The following TBC1D22A variants were observed in gnomAD, a reference collection of about 807,000 sequenced individuals.
TBC1D22A encodes putative GTPase activator.
A neutral mutation model predicts 60.2 loss-of-function variants in TBC1D22A; 38 were observed. The observed-to-expected ratio is 0.63, with a 90% CI of 0.49 to 0.83. TBC1D22A has a LOEUF of 0.83. Among genes scored for constraint, TBC1D22A ranks in the 40% least tolerant of loss-of-function variants. The probability of loss-of-function intolerance (pLI) is 0.00; values close to 1 mark genes in which losing one functional copy is unlikely to be tolerated. For missense variants in TBC1D22A, 628 were observed against 701.0 expected (o/e 0.90, Z 1.18); for synonymous variants, 302 against 281.7 (o/e 1.07, Z -0.72).
At chr22:46,881,101 C>G (rs1002822947) in intron 5 of TBC1D22A, among the ~76,000 whole-genome samples, 5 of 152,042 alleles carry the variant, frequency 3.3e-5, no homozygotes, top group African/African-American at 1.2e-4. Flanking sequence ...TAGAGGGGCC[C>G]AAGAGGAGAC....
intron 10 of TBC1D22A, among the ~76,000 whole-genome samples, chr22:47,005,864 C>T (rs879746356): frequency 6.7e-6 from 1 of 149,966 alleles, no homozygotes; most frequent in East Asian, 1.9e-4. Flanking sequence ...CCTATACAGA[C>T]ACCCCCATAT....
intron 12 of TBC1D22A, among the ~76,000 whole-genome samples, chr22:47,157,559 G>A (rs6007610): frequency 0.19 from 28,199 of 152,178 alleles, 3,196 homozygotes; most frequent in African/African-American, 0.32. Context: ...CTCGCAGGAC[G>A]GCGGGTGCGC....
At chr22:46,801,005 G>A (rs1474358081) in intron 4 of TBC1D22A, among the ~76,000 whole-genome samples, 2 of 152,194 alleles carry the variant, frequency 1.3e-5, no homozygotes, top group Non-Finnish European at 2.9e-5. Flanking sequence ...CCAACTTTTG[G>A]AAATTAAAAT....
At chr22:47,127,620 C>G (rs908154653) in intron 12 of TBC1D22A, among the ~76,000 whole-genome samples, 1 of 152,070 alleles carries the variant, frequency 6.6e-6, no homozygotes, top group Non-Finnish European at 1.5e-5. Flanking sequence ...GGCCAGCTTG[C>G]TCTTCCACTG....
chr22:47,050,194 G>A (rs1383699127), intron 11 of TBC1D22A, among the ~76,000 whole-genome samples: 16 of 152,212 alleles, frequency 1.1e-4, no homozygotes, highest in African/African-American at 3.1e-4. Context: ...TAGTAGAGAC[G>A]GGGTTTCACC....
chr22:46,975,863 G>A (rs1484962187), intron 9 of TBC1D22A, among the ~76,000 whole-genome samples: 1 of 152,236 alleles, frequency 6.6e-6, no homozygotes, highest in Non-Finnish European at 1.5e-5. Context: ...GTAGAAGCCT[G>A]TTGTGCGGTT....
intron 9 of TBC1D22A, among the ~76,000 whole-genome samples, chr22:46,989,698 C>T (rs1408459030): frequency 6.6e-6 from 1 of 150,562 alleles, no homozygotes; most frequent in Non-Finnish European, 1.5e-5. Flanking sequence ...TCACAGATCC[C>T]CATAAAAGAT....
chr22:46,989,413 A>G (rs1247269003), intron 9 of TBC1D22A, among the ~76,000 whole-genome samples: 3 of 151,910 alleles, frequency 2.0e-5, no homozygotes, highest in Non-Finnish European at 4.4e-5. Context: ...CACCAAGCGT[A>G]ATCTTTCTGG....
intron 10 of TBC1D22A, among the ~76,000 whole-genome samples, chr22:46,999,131 T>C (rs2075222373): frequency 6.6e-6 from 1 of 152,228 alleles, no homozygotes; most frequent in South Asian, 2.1e-4. Flanking sequence ...AAAGTTGTGG[T>C]TAGTGCTCGT....
chr22:47,120,521 A>G (rs1031554670), intron 12 of TBC1D22A, among the ~76,000 whole-genome samples: 1 of 152,220 alleles, frequency 6.6e-6, no homozygotes, highest in Non-Finnish European at 1.5e-5. Flanking sequence ...TTTGCCCTGA[A>G]GGTGTCTGCT....
intron 8 of TBC1D22A, among the ~76,000 whole-genome samples, chr22:46,950,452 T>C (rs555220312): frequency 6.6e-6 from 1 of 152,306 alleles, no homozygotes; most frequent in South Asian, 2.1e-4. Context: ...CAGGCAGTCG[T>C]TGATTTCTGC....
At chr22:46,782,403 G>A (rs1415965677) in intron 1 of TBC1D22A, among the ~76,000 whole-genome samples, 3 of 152,204 alleles carry the variant, frequency 2.0e-5, no homozygotes, top group South Asian at 2.1e-4. Context: ...CAGCCATCTC[G>A]AGCCTTCCCT....
intron 8 of TBC1D22A, among the ~76,000 whole-genome samples, chr22:46,948,361 C>T (rs755415343): frequency 6.6e-6 from 1 of 152,176 alleles, no homozygotes; most frequent in South Asian, 2.1e-4. Flanking sequence ...GACTGCTCAC[C>T]ATTTAAGAGT....
At chr22:46,994,411 G>A (rs923119643) in intron 9 of TBC1D22A, among the ~76,000 whole-genome samples, 52 of 152,292 alleles carry the variant, frequency 3.4e-4, no homozygotes, top group African/African-American at 1.2e-3. Context: ...GCCTCTCCCC[G>A]TTTTGGCCTC....
intron 8 of TBC1D22A, among the ~76,000 whole-genome samples, chr22:46,938,678 C>T (rs1490222315): frequency 3.3e-5 from 5 of 151,752 alleles, no homozygotes; most frequent in Admixed American, 2.6e-4. Flanking sequence ...CTCCACCTCC[C>T]GGGTTCAAGC....
intron 4 of TBC1D22A, among the ~76,000 whole-genome samples, chr22:46,873,241 T>C (rs1201302761): frequency 6.6e-6 from 1 of 152,176 alleles, no homozygotes; most frequent in Non-Finnish European, 1.5e-5. Context: ...GATTTCAACA[T>C]ACACCTCACA....
chr22:47,088,462 A>G (rs2064790824), intron 11 of TBC1D22A, among the ~76,000 whole-genome samples: 1 of 152,234 alleles, frequency 6.6e-6, no homozygotes, highest in Non-Finnish European at 1.5e-5. Flanking sequence ...GAACATACCA[A>G]GAATGTTAAA....
rs1318529851 is a variant in TBC1D22A at position 46,762,738 on chromosome 22, G to C, written c.-49G>C. On this transcript the variant is annotated 5_prime_UTR_variant, in exon 1 of 13. Transcript: ENST00000337137. Reference sequence around the variant, plus strand: ...GGAAAGGGCCGCTAGGGGAGGGCCGGGTGCACTCGGGGTGTCTGGGCCGCG... The same window carrying C: ...GGAAAGGGCCGCTAGGGGAGGGCCGCGTGCACTCGGGGTGTCTGGGCCGCG... 4 of 1,394,860 alleles carry C rather than the reference G, an allele frequency of 2.9e-6. No homozygotes were observed. Among genetic ancestry groups the C allele is most frequent in the Non-Finnish European group, 3.7e-6 (4 of 1,074,682 alleles). 86.4% of individuals were successfully genotyped at this position (1,394,860 alleles called of 1,614,324 possible).
intron 4 of TBC1D22A, among the ~76,000 whole-genome samples, chr22:46,814,699 T>C (rs1305908817): frequency 6.6e-6 from 1 of 151,944 alleles, no homozygotes; most frequent in Non-Finnish European, 1.5e-5. Context: ...CAGGCTGGAG[T>C]GCAATGACAA....
Sources: gnomAD v4.1 joint callset for allele counts (sites outside exome capture counted in the v4.1 genomes callset) on GRCh38, gnomAD v4.1.1 for gene constraint, MANE v1.5 for transcripts, NCBI Gene and HGNC (gene_info 2026-07-23, HGNC 2026-07-21) for gene names.